Variants in LRRC7 observed in about 807,000 individuals in gnomAD.
LRRC7 encodes the protein leucine-rich repeat-containing protein 7.
A neutral mutation model predicts 175.7 loss-of-function variants in LRRC7; 23 were observed. The ratio of observed to expected loss-of-function variants is 0.13; its 90% CI spans 0.09 to 0.19. The LOEUF (loss-of-function observed/expected upper bound fraction) is 0.19. LRRC7 is among the 10% of genes least tolerant of loss of function. The pLI is 1.00. For missense variants in LRRC7, 1,354 were observed against 1,904.7 expected, an observed-to-expected ratio of 0.71 and a Z score of 5.38; for synonymous variants, 685 against 680.9, an observed-to-expected ratio of 1.01 and a Z score of -0.09.
chr1:69,728,118 T>C (rs1667177449), intron 2 of LRRC7, among the ~76,000 whole-genome samples: 1 of 152,166 alleles, frequency 6.6e-6, no homozygotes, highest in Non-Finnish European at 1.5e-5. Flanking sequence ...TTTATTTCTC[T>C]TTTTAATGTA....
At chr1:69,600,537 A>G (rs1001114673) in intron 1 of LRRC7, among the ~76,000 whole-genome samples, 3 of 152,196 alleles carry the variant, frequency 2.0e-5, no homozygotes, top group African/African-American at 4.8e-5. Context: ...AGTACCATCT[A>G]TATCAGTATG....
chr1:70,004,354 GA>G (rs529148710), intron 11 of LRRC7, among the ~76,000 whole-genome samples: 65 of 152,244 alleles, frequency 4.3e-4, no homozygotes, highest in African/African-American at 1.4e-3. Flanking sequence ...AGAAAATTAA[GA>G]ATGGAACCTA....
At chr1:69,820,013 A>T (rs1679088111) in intron 4 of LRRC7, among the ~76,000 whole-genome samples, 1 of 152,052 alleles carries the variant, frequency 6.6e-6, no homozygotes, top group South Asian at 2.1e-4. Flanking sequence ...TAGATTATTT[A>T]GCCTATTTAC....
chr1:70,000,614 A>G (rs959653250), intron 11 of LRRC7, among the ~76,000 whole-genome samples: 2 of 152,136 alleles, frequency 1.3e-5, no homozygotes, highest in African/African-American at 4.8e-5. Flanking sequence ...TGTGCCTCCA[A>G]TAAGCTGGGC....
chr1:69,675,038 G>A (rs556959176), intron 1 of LRRC7, among the ~76,000 whole-genome samples: 1 of 152,192 alleles, frequency 6.6e-6, no homozygotes, highest in South Asian at 2.1e-4. Context: ...CATTAAGTAA[G>A]GCACAAAGTA....
At chr1:69,665,822 T>C (rs1011318353) in intron 1 of LRRC7, among the ~76,000 whole-genome samples, 1 of 152,132 alleles carries the variant, frequency 6.6e-6, no homozygotes, top group Non-Finnish European at 1.5e-5. Context: ...TATTTCTTTC[T>C]CTTAGCTCAT....
intron 4 of LRRC7, among the ~76,000 whole-genome samples, chr1:69,803,897 G>A (rs1224571949): frequency 1.3e-5 from 2 of 150,794 alleles, no homozygotes; most frequent in Non-Finnish European, 3.0e-5. Context: ...TTATCTTTTA[G>A]TCTTTTTAGC....
intron 8 of LRRC7, among the ~76,000 whole-genome samples, chr1:69,969,648 A>G (rs1209299367): frequency 1.3e-5 from 2 of 152,188 alleles, no homozygotes; most frequent in Admixed American, 6.5e-5. Flanking sequence ...TACTAGACCT[A>G]AGAAATGAGA....
intron 7 of LRRC7, among the ~76,000 whole-genome samples, chr1:69,850,410 C>G (rs1471703469): frequency 6.6e-6 from 1 of 151,996 alleles, no homozygotes; most frequent in Non-Finnish European, 1.5e-5. Flanking sequence ...GCCATGGAGA[C>G]TTCGAGCAAA....
intron 1 of LRRC7, among the ~76,000 whole-genome samples, chr1:69,583,299 A>T (rs1646272518): frequency 6.6e-6 from 1 of 151,976 alleles, no homozygotes; most frequent in South Asian, 2.1e-4. Context: ...TTACAAATAA[A>T]TTTTTTGTTT....
intron 7 of LRRC7, among the ~76,000 whole-genome samples, chr1:69,902,249 T>G (rs1461654025): frequency 6.6e-6 from 1 of 152,170 alleles, no homozygotes; most frequent in Non-Finnish European, 1.5e-5. Flanking sequence ...ATTTTAAAAA[T>G]TAGTTATCTG....
rs546092247 is a variant in LRRC7 at position 69,713,444 on chromosome 1, C to T, written c.100+34966C>T. Among the ~76,000 whole-genome samples the T allele has an allele frequency of 3.3e-5, 5 of 152,140 alleles. No individual in the cohort carries two copies. In the South Asian group the frequency reaches 6.2e-4, roughly 19 times the overall value. ...TGGGAGGTCAAGGCCACCAGTGAGCCGTGATTGTGCCACTGCACCCCAGCC... is the reference window on the plus strand; with the variant it reads ...TGGGAGGTCAAGGCCACCAGTGAGCTGTGATTGTGCCACTGCACCCCAGCC... On this transcript the variant is annotated intron_variant, in intron 2 of 26. Coordinates refer to ENST00000651989, the MANE Select transcript of LRRC7 (RefSeq NM_001370785.2).
intron 1 of LRRC7, among the ~76,000 whole-genome samples, chr1:69,588,732 C>T (rs1031124471): frequency 1.2e-4 from 19 of 152,080 alleles, no homozygotes; most frequent in Non-Finnish European, 1.3e-4. Context: ...ATTTTCTAAA[C>T]TATTAAAGTC....
At chr1:69,771,498 CATTT>C (rs1434965251) in intron 3 of LRRC7, among the ~76,000 whole-genome samples, 1 of 152,108 alleles carries the variant, frequency 6.6e-6, no homozygotes, top group African/African-American at 2.4e-5. Flanking sequence ...CTCATGCCAT[CATTT>C]ATTTCTAACA....
At chr1:69,646,278 T>C (rs1477867488) in intron 1 of LRRC7, among the ~76,000 whole-genome samples, 2 of 152,112 alleles carry the variant, frequency 1.3e-5, no homozygotes, top group Non-Finnish European at 2.9e-5. Context: ...TTTAAATAGA[T>C]ATGAGAGTCT....
intron 4 of LRRC7, among the ~76,000 whole-genome samples, chr1:69,820,410 A>T (rs1679139504): frequency 6.6e-6 from 1 of 152,146 alleles, no homozygotes; most frequent in African/African-American, 2.4e-5. Context: ...GGGTATATGT[A>T]CAGAACATGC....
chr1:69,725,727 C>T (rs1230597041), intron 2 of LRRC7, among the ~76,000 whole-genome samples: 1 of 152,134 alleles, frequency 6.6e-6, no homozygotes, highest in African/African-American at 2.4e-5. Context: ...CTTGTCAAAC[C>T]GTGTTTGTCT....
chr1:69,716,315 A>C, intron 2 of LRRC7: 1 of 409,508 alleles, frequency 2.4e-6, no homozygotes, highest in Non-Finnish European at 4.5e-6. Flanking sequence ...TGTAATTTTA[A>C]ATTTATACTT....
chr1:69,981,688 G>A (rs1653447632), intron 9 of LRRC7, among the ~76,000 whole-genome samples: 2 of 152,156 alleles, frequency 1.3e-5, no homozygotes, highest in Non-Finnish European at 2.9e-5. Context: ...GTCAAGGTAT[G>A]TACAAATCCT....
Sources: allele counts gnomAD v4.1 joint callset (sites outside exome capture counted in the v4.1 genomes callset), GRCh38; gene constraint gnomAD v4.1.1; transcripts MANE v1.5; gene names NCBI Gene and HGNC (gene_info 2026-07-23, HGNC 2026-07-21).